The following ARMC2 variants were observed in gnomAD, a reference collection of about 807,000 sequenced individuals.
ARMC2 encodes armadillo repeat-containing protein 2.
In ARMC2, 67 loss-of-function variants were observed where a neutral mutation model predicts 90.3. That is an observed-to-expected ratio of 0.74 (90% CI 0.61 to 0.91). ARMC2 has a LOEUF of 0.91. Ranked by LOEUF, ARMC2 falls within the 40% of genes least tolerant of loss-of-function variation. The pLI is 0.00. For synonymous variants in ARMC2, 393 were observed against 393.0 expected, an observed-to-expected ratio of 1.00 and a Z score of 0.00; for missense variants, 920 against 1,030.9, an observed-to-expected ratio of 0.89 and a Z score of 1.47.
At chr6:108,878,941 ACATCCACCCAGACACCCATT>A (rs1397764969) in intron 5 of ARMC2, among the ~76,000 whole-genome samples, 3 of 147,860 alleles carry the variant, frequency 2.0e-5, no homozygotes, top group Non-Finnish European at 4.5e-5. Context: ...ATCTACCCAT[ACATCCACCCAGACACCCATT>A]CATCCACCCA....
intron 7 of ARMC2, among the ~76,000 whole-genome samples, chr6:108,903,255 C>CT (rs5879001): frequency 0.94 from 142,581 of 151,952 alleles, 67,359 homozygotes; most frequent in Non-Finnish European, 1. Flanking sequence ...AAATACTCTC[C>CT]TTTTTTTAAA....
At chr6:108,880,177 G>C (rs919780489) in intron 5 of ARMC2, 1 of 352,766 alleles carries the variant, frequency 2.8e-6, no homozygotes, top group African/African-American at 2.1e-5. Flanking sequence ...ACTTTACACT[G>C]CAGTATAGGC....
At chr6:108,980,604 C>T in the ARMC2 span, among the ~76,000 whole-genome samples, 25 of 152,136 alleles carry the variant, frequency 1.6e-4, no homozygotes, top group Admixed American at 3.9e-4. Context: ...CACCCACAGC[C>T]GCCCCTTCCC....
At chr6:108,984,514 C>T in the ARMC2 span, among the ~76,000 whole-genome samples, 1 of 152,120 alleles carries the variant, frequency 6.6e-6, no homozygotes, top group Non-Finnish European at 1.5e-5. Flanking sequence ...GATCTTATCA[C>T]CTCCCAAAGG....
chr6:108,870,539 G>A (rs1408576239), intron 4 of ARMC2, among the ~76,000 whole-genome samples: 1 of 148,044 alleles, frequency 6.8e-6, no homozygotes, highest in Non-Finnish European at 1.5e-5. Flanking sequence ...AAGGAAGGTA[G>A]GAAGGAAGGA....
the ARMC2 span, among the ~76,000 whole-genome samples, chr6:108,992,356 A>G: frequency 6.6e-6 from 1 of 152,112 alleles, no homozygotes. Context: ...GGCTCAGGCA[A>G]TCCACCTGCC....
At chr6:108,897,328 A>G (rs1771701683) in intron 6 of ARMC2, among the ~76,000 whole-genome samples, 1 of 152,158 alleles carries the variant, frequency 6.6e-6, no homozygotes, top group Admixed American at 6.6e-5. Context: ...TCTGATTCCA[A>G]AGGTTTTGGA....
intron 6 of ARMC2, among the ~76,000 whole-genome samples, chr6:108,896,982 A>G (rs1771672999): frequency 2.0e-5 from 3 of 152,184 alleles, no homozygotes; most frequent in Admixed American, 2.0e-4. Context: ...TTGGACTTTG[A>G]ATAGGTTAGT....
chr6:108,985,066 A>G, the ARMC2 span, among the ~76,000 whole-genome samples: 1 of 152,176 alleles, frequency 6.6e-6, no homozygotes. Context: ...TTCATATATG[A>G]TATTCACATA....
chr6:108,879,951 A>C (rs1256098088), intron 5 of ARMC2: 1 of 470,656 alleles, frequency 2.1e-6, no homozygotes, highest in Non-Finnish European at 4.4e-6. Flanking sequence ...TTGTGGAATG[A>C]TGACTAAGGC....
In ARMC2 at chr6:108,868,812, A is replaced by C. The variant is rs77789034; in HGVS notation, c.292-12A>C. 7.6e-4 allele frequency: 1,221 copies of C among 1,610,702 alleles called. 8 individuals are homozygous for C. The African/African-American group carries it at 0.014, about 19-fold the overall frequency. On this transcript the variant is annotated splice_polypyrimidine_tract_variant and intron_variant, in intron 3 of 17. Coordinates refer to ENST00000392644, the MANE Select transcript of ARMC2 (RefSeq NM_032131.6). ...AAAGTCATTCCAGTTATTTAAAAAA[A>C]TCTCTTTCCAGAAACCGAAAGTTCC...
intron 5 of ARMC2, chr6:108,880,088 A>C (rs190998554): frequency 2.4e-5 from 9 of 375,716 alleles, no homozygotes; most frequent in Admixed American, 1.1e-4. Flanking sequence ...GCAAAGAATG[A>C]AAAACAGAGA....
the ARMC2 span, among the ~76,000 whole-genome samples, chr6:109,035,028 G>A: frequency 1.3e-5 from 2 of 152,066 alleles, no homozygotes; most frequent in Non-Finnish European, 2.9e-5. Context: ...TTCTTAATAG[G>A]TTTTTTCCTC....
chr6:108,977,232 G>T (rs1778999598), downstream of ARMC2, among the ~76,000 whole-genome samples: 1 of 152,144 alleles, frequency 6.6e-6, no homozygotes, highest in African/African-American at 2.4e-5. Flanking sequence ...TTTGTCAAAG[G>T]CCTTTTCTGC....
the ARMC2 span, among the ~76,000 whole-genome samples, chr6:109,041,182 T>C: frequency 6.6e-6 from 1 of 150,630 alleles, no homozygotes; most frequent in African/African-American, 2.4e-5. Flanking sequence ...CATTGTGGCA[T>C]GCACCTATAG....
chr6:109,041,343 T>G, the ARMC2 span, among the ~76,000 whole-genome samples: 4 of 151,798 alleles, frequency 2.6e-5, no homozygotes, highest in African/African-American at 9.7e-5. Flanking sequence ...AAAATAAAAT[T>G]GCAACATAAA....
chr6:108,954,755 A>G (rs1777441377), intron 13 of ARMC2, among the ~76,000 whole-genome samples: 1 of 152,234 alleles, frequency 6.6e-6, no homozygotes, highest in Admixed American at 6.5e-5. Flanking sequence ...CGCCCCCACT[A>G]GTCAACTCAA....
At chr6:108,993,472 CAA>C in the ARMC2 span, among the ~76,000 whole-genome samples, 2 of 152,072 alleles carry the variant, frequency 1.3e-5, no homozygotes, top group East Asian at 3.9e-4. Context: ...GGCATGGAAA[CAA>C]AAATTTTTCC....
chr6:108,977,048 G>A (rs192459203), downstream of ARMC2, among the ~76,000 whole-genome samples: 19 of 152,270 alleles, frequency 1.2e-4, no homozygotes, highest in East Asian at 1.5e-3. Context: ...TGTTGAATAG[G>A]AGTGGTGAGA....
Sources: allele counts gnomAD v4.1 joint callset (sites outside exome capture counted in the v4.1 genomes callset), GRCh38; gene constraint gnomAD v4.1.1; transcripts MANE v1.5; gene names NCBI Gene and HGNC (gene_info 2026-07-23, HGNC 2026-07-21).